Variants in TFAP2D observed in about 807,000 individuals in gnomAD.
TFAP2D encodes the protein transcription factor AP-2-delta.
TFAP2D carries 9 observed loss-of-function variants against 43.6 expected under a neutral mutation model. That is an observed-to-expected ratio of 0.21 (90% CI 0.12 to 0.36). The LOEUF (loss-of-function observed/expected upper bound fraction) is 0.36, where lower values mean the gene tolerates loss of function less well. Ranked by LOEUF, TFAP2D falls within the 10% of genes least tolerant of loss-of-function variation. TFAP2D has a pLI of 1.00. For missense variants in TFAP2D, 513 were observed against 561.4 expected (o/e 0.91, Z 0.87); for synonymous variants, 256 against 224.9 (o/e 1.14, Z -1.24).
At chr6:50,767,433 T>C (rs10948575) in intron 7 of TFAP2D, among the ~76,000 whole-genome samples, 38,720 of 152,154 alleles carry the variant, frequency 0.25, 5,491 homozygotes, top group East Asian at 0.41. Context: ...TTCCCATTCC[T>C]CTTCCTCACT....
chr6:50,725,972 T>A lies in TFAP2D; in HGVS notation c.599-2884T>A, dbSNP rs1426410039. 4.6e-5 allele frequency among the ~76,000 whole-genome samples: 7 copies of A among 152,212 alleles called. No individual in the cohort carries two copies. The East Asian group carries it at 1.3e-3, about 29-fold the overall frequency. On this transcript the variant is annotated intron_variant, in intron 3 of 7. Coordinates refer to ENST00000008391, the MANE Select transcript of TFAP2D (RefSeq NM_172238.4). ...ACATAAAAAATAAAAGACTCTAGAG[T>A]TGATGGCTAATCCTGAATACAAAAT...
chr6:50,715,687 G>T, intron 2 of TFAP2D, 74 bp downstream of exon 2: 2 of 1,482,248 alleles, frequency 1.3e-6, no homozygotes, highest in Non-Finnish European at 9.0e-7. Context: ...TTAATGCTCC[G>T]ACTGTAAAGC....
intron 1 of TFAP2D, among the ~76,000 whole-genome samples, chr6:50,714,746 G>T (rs1187625288): frequency 1.3e-5 from 2 of 152,112 alleles, no homozygotes; most frequent in Admixed American, 6.5e-5. Context: ...CGCGGCCCCG[G>T]AGTCAGTTGC....
chr6:50,768,227 T>A (rs1769471261), intron 7 of TFAP2D, among the ~76,000 whole-genome samples: 1 of 151,832 alleles, frequency 6.6e-6, no homozygotes, highest in African/African-American at 2.4e-5. Flanking sequence ...TTTTTTTTTT[T>A]TTTTCCTGTC....
chr6:50,723,276 G>A (rs754687016), intron 3 of TFAP2D, among the ~76,000 whole-genome samples: 2 of 152,198 alleles, frequency 1.3e-5, no homozygotes, highest in Non-Finnish European at 2.9e-5. Flanking sequence ...TTTCCCTTTA[G>A]CCGGCCTCAA....
At chr6:50,739,636 A>G (rs1581767364) in intron 5 of TFAP2D, among the ~76,000 whole-genome samples, 1 of 151,960 alleles carries the variant, frequency 6.6e-6, no homozygotes, top group East Asian at 1.9e-4. Flanking sequence ...CTATTTTTCT[A>G]TTTTTCATAG....
intron 2 of TFAP2D, 108 bp downstream of exon 2, chr6:50,715,721 CCT>C (rs3835217): frequency 0.081 from 41,216 of 508,578 alleles, 364 homozygotes; most frequent in East Asian, 0.12. Context: ...TCTCTCTTCT[CCT>C]CTCTCTCTCT....
intron 7 of TFAP2D, among the ~76,000 whole-genome samples, chr6:50,754,678 G>A (rs73427158): frequency 0.021 from 3,131 of 151,880 alleles, 109 homozygotes; most frequent in African/African-American, 0.072. Context: ...CCATCCTAAT[G>A]GGTATGAGGT....
intron 7 of TFAP2D, 108 bp downstream of exon 7, chr6:50,751,432 C>G (rs1339930891): frequency 1.4e-6 from 1 of 733,976 alleles, no homozygotes; most frequent in South Asian, 1.7e-5. Flanking sequence ...TGGTGACTGT[C>G]CTAGTCCTTT....
At position 50,766,654 on chromosome 6, in the gene TFAP2D, C is replaced by CTTTTTTTTTTTTT. The variant is rs763018088; in HGVS notation, c.1140-5978_1140-5966dup. The stretch of plus-strand genomic sequence containing the variant: ...CCTTTTGATACCATGAGATTGCTTT[C>CTTTTTTTTTTTTT]TTTTTTTTTTTTTTTTTTTTTTTTT... On this transcript the variant is annotated intron_variant, in intron 7 of 7. Coordinates refer to ENST00000008391, the MANE Select transcript of TFAP2D (RefSeq NM_172238.4). 2.1e-4 allele frequency among the ~76,000 whole-genome samples: 12 copies of CTTTTTTTTTTTTT among 57,384 alleles called. 5 individuals are homozygous for CTTTTTTTTTTTTT. Among genetic ancestry groups the CTTTTTTTTTTTTT allele is most frequent in the Non-Finnish European group, 4.2e-4 (12 of 28,480 alleles). The allele number at this position is 57,384 out of a possible 152,430, so 37.6% of individuals were successfully genotyped here. A position where few individuals can be genotyped will look rare whatever the true frequency, so the allele number is the denominator to read the frequency against.
At chr6:50,719,006 T>A in intron 2 of TFAP2D, 84 bp from the exon 3 acceptor site, 1 of 1,280,288 alleles carries the variant, frequency 7.8e-7, no homozygotes. Context: ...AGTTCAGGGA[T>A]GGGCTAGTCT....
At chr6:50,760,834 C>A (rs1769352347) in intron 7 of TFAP2D, among the ~76,000 whole-genome samples, 1 of 151,618 alleles carries the variant, frequency 6.6e-6, no homozygotes, top group Non-Finnish European at 1.5e-5. Context: ...ATACTCAGAG[C>A]CGTGAGAGGA....
At chr6:50,715,693 A>C in intron 2 of TFAP2D, 80 bp downstream of exon 2, 1 of 1,456,002 alleles carries the variant, frequency 6.9e-7, no homozygotes, top group Non-Finnish European at 9.2e-7. Flanking sequence ...CTCCGACTGT[A>C]AAGCGTCTCT....
intron 5 of TFAP2D, among the ~76,000 whole-genome samples, chr6:50,736,256 A>G (rs1768961878): frequency 6.6e-6 from 1 of 152,150 alleles, no homozygotes; most frequent in African/African-American, 2.4e-5. Context: ...GTTGATGTTC[A>G]CTTTAGTCAG....
chr6:50,716,699 C>T (rs1768633783), intron 2 of TFAP2D, among the ~76,000 whole-genome samples: 1 of 152,202 alleles, frequency 6.6e-6, no homozygotes, highest in Admixed American at 6.5e-5. Flanking sequence ...GTTTTAGCTC[C>T]TTTTAGCTAA....
chr6:50,755,833 C>T (rs1489915369), intron 7 of TFAP2D, among the ~76,000 whole-genome samples: 3 of 151,916 alleles, frequency 2.0e-5, no homozygotes, highest in Non-Finnish European at 4.4e-5. Context: ...GATGATTCTA[C>T]TAATAATCTG....
chr6:50,718,493 T>A lies in TFAP2D; in HGVS notation c.538-597T>A, dbSNP rs1196323924. On this transcript the variant is annotated intron_variant, in intron 2 of 7. Coordinates refer to ENST00000008391, the MANE Select transcript of TFAP2D (RefSeq NM_172238.4). The stretch of plus-strand genomic sequence containing the variant: ...TTTTCCTAATCAAAAATCAGCAAAC[T>A]CTTTCCATCTTTCCAGCTCTAGGGA... Among the ~76,000 whole-genome samples, 6 of 152,166 alleles carry A rather than the reference T, an allele frequency of 3.9e-5. No homozygotes were observed. The East Asian group carries it at 7.7e-4, about 20-fold the overall frequency.
Position 50,744,008 on chromosome 6 carries a change from G to A in TFAP2D, c.884-1099G>A, listed in dbSNP as rs77731566. ...ACTGTGCCTTGAATAAGGTAGGTGA[G>A]TAGATGCTTAGTATTAACAGATACA... is the stretch of plus-strand genomic sequence containing the variant. On this transcript the variant is annotated intron_variant, in intron 5 of 7. Transcript: ENST00000008391. Among the ~76,000 whole-genome samples, 950 of 152,276 alleles carry A rather than the reference G, an allele frequency of 6.2e-3. 8 individuals are homozygous for A. The highest frequency in any genetic ancestry group is 0.021 in the African/African-American group (893 of 41,556).
intron 5 of TFAP2D, among the ~76,000 whole-genome samples, chr6:50,732,688 A>T (rs181648423): frequency 1.1e-3 from 166 of 152,138 alleles, no homozygotes; most frequent in Non-Finnish European, 8.2e-4. Flanking sequence ...CCACACAGAG[A>T]TGATGTAATC....
Sources: gnomAD v4.1 joint callset for allele counts (sites outside exome capture counted in the v4.1 genomes callset) on GRCh38, gnomAD v4.1.1 for gene constraint, MANE v1.5 for transcripts, NCBI Gene and HGNC (gene_info 2026-07-23, HGNC 2026-07-21) for gene names.